Variants in MYT1L observed in about 807,000 individuals in gnomAD.
MYT1L encodes the protein myelin transcription factor 1-like protein.
Under a neutral mutation model 126.7 loss-of-function variants are expected in MYT1L, and 12 were observed. The observed-to-expected ratio is 0.09, with a 90% CI of 0.06 to 0.15. MYT1L has a LOEUF of 0.15. MYT1L is among the 10% of genes least tolerant of loss of function. The pLI is 1.00. For synonymous variants in MYT1L, 541 were observed against 604.2 expected (o/e 0.90, Z 1.53); for missense variants, 979 against 1,585.2 (o/e 0.62, Z 6.49).
chr2:2,181,902 C>T (rs1237054432), intron 2 of MYT1L, among the ~76,000 whole-genome samples: 1 of 152,182 alleles, frequency 6.6e-6, no homozygotes, highest in East Asian at 1.9e-4. Flanking sequence ...ATATTATTAG[C>T]TCTATTTTCA....
chr2:2,327,292 T>C (rs1272787286), intron 1 of MYT1L, among the ~76,000 whole-genome samples: 1 of 152,198 alleles, frequency 6.6e-6, no homozygotes, highest in Non-Finnish European at 1.5e-5. Context: ...AAGTTTGTGG[T>C]ATCTTTTGTC....
At chr2:1,815,979 G>C (rs555226007) in intron 21 of MYT1L, among the ~76,000 whole-genome samples, 1 of 152,282 alleles carries the variant, frequency 6.6e-6, no homozygotes, top group South Asian at 2.1e-4. Context: ...CCATGGCACA[G>C]TTATCTCTTT....
rs34958118 is a variant in MYT1L, at chr2:2,165,288, TCA to T, written c.-304+7582_-304+7583del. Among the ~76,000 whole-genome samples the T allele has an allele frequency of 1.5e-3, 216 of 148,430 alleles. No individual in the cohort carries two copies. In the South Asian group the frequency reaches 0.021, roughly 14 times the overall value. ...AGTACGGGTGGGGTACACAAACCAA[TCA>T]CACACACACACACACACGTGCACAC... is the stretch of plus-strand genomic sequence containing the variant. On this transcript the variant is annotated intron_variant, in intron 3 of 24. Coordinates refer to ENST00000647738, the MANE Select transcript of MYT1L (RefSeq NM_001303052.2).
At chr2:2,082,825 G>A (rs1432624284) in intron 3 of MYT1L, among the ~76,000 whole-genome samples, 1 of 152,182 alleles carries the variant, frequency 6.6e-6, no homozygotes, top group East Asian at 1.9e-4. Flanking sequence ...AGATATGCTG[G>A]TCAGCACAAA....
At chr2:1,876,741 A>T (rs78002748) in intron 18 of MYT1L, among the ~76,000 whole-genome samples, 1,603 of 152,326 alleles carry the variant, frequency 0.011, 31 homozygotes, top group African/African-American at 0.035. Flanking sequence ...TTTGAGAAGC[A>T]ACGTCTCACT....
chr2:2,121,640 C>G (rs1049946720), intron 3 of MYT1L, among the ~76,000 whole-genome samples: 4 of 151,326 alleles, frequency 2.6e-5, no homozygotes, highest in Non-Finnish European at 5.9e-5. Context: ...GTGCGCACCA[C>G]CATACCCAGC....
rs1415499536 is a variant in MYT1L at position 1,943,761 on chromosome 2, ATATT to A, written c.153-431_153-428del. Among the ~76,000 whole-genome samples, 2 of 152,222 alleles carry A rather than the reference ATATT, an allele frequency of 1.3e-5. No homozygotes were observed. The highest frequency in any genetic ancestry group is 2.9e-5 in the Non-Finnish European group (2 of 68,046). On this transcript the variant is annotated intron_variant, in intron 8 of 24. Transcript: ENST00000647738. The surrounding 1 kb of genome is among the most constrained non-coding windows in gnomAD (Gnocchi z 4.4). ...TTTTAATCACATTATATTTACATAT[ATATT>A]TATGTAAAATATAAAAATGTCTATG...
chr2:2,236,796 CTTCTTCTTCTTCTTCTTCT>C (rs2094326125), intron 2 of MYT1L, among the ~76,000 whole-genome samples: 2 of 16,422 alleles, frequency 1.2e-4, no homozygotes, highest in African/African-American at 1.1e-3. Context: ...TCTTCTTCTT[CTTCTTCTTCTTCTTCTTCT>C]TTTTTTTTTT....
chr2:2,203,013 G>C (rs1369387577), intron 2 of MYT1L, among the ~76,000 whole-genome samples: 1 of 150,576 alleles, frequency 6.6e-6, no homozygotes, highest in East Asian at 2.0e-4. Flanking sequence ...CAGAACCAAA[G>C]ACAAAAACCA....
At chr2:2,134,731 G>C (rs894294381) in intron 3 of MYT1L, among the ~76,000 whole-genome samples, 1 of 152,190 alleles carries the variant, frequency 6.6e-6, no homozygotes, top group Non-Finnish European at 1.5e-5. Flanking sequence ...CCAGAGTCCA[G>C]AAATGAACGT....
chr2:1,903,333 C>T (rs1477761131), intron 13 of MYT1L, 39 bp from the exon 14 acceptor site: 6 of 1,538,510 alleles, frequency 3.9e-6, no homozygotes, highest in African/African-American at 1.4e-5. Flanking sequence ...GCTTGCTTTC[C>T]TGTGGCTTTG....
At chr2:1,819,056 G>A (rs1231599796) in intron 21 of MYT1L, among the ~76,000 whole-genome samples, 1 of 152,030 alleles carries the variant, frequency 6.6e-6, no homozygotes, top group Non-Finnish European at 1.5e-5. Flanking sequence ...CCTGCCTCAG[G>A]AAACAAAGGT....
rs1332557657 is a variant in MYT1L at position 1,851,586 on chromosome 2, C to T, written c.2774+55G>A. ...TTGGAGCCTGACGTGAGTGATATTC[C>T]TGCCATTTCAGTGAGAAAGAGCATT... On this transcript the variant is annotated intron_variant, in intron 19 of 24. Transcript: ENST00000647738. The T allele has an allele frequency of 5.2e-6, 8 of 1,529,236 alleles. No homozygotes were observed. In the South Asian group the frequency reaches 6.8e-5, roughly 13 times the overall value. 94.7% of individuals were successfully genotyped at this position (1,529,236 alleles called of 1,614,324 possible).
intron 2 of MYT1L, among the ~76,000 whole-genome samples, chr2:2,215,583 T>A (rs188459200): frequency 3.3e-4 from 51 of 152,302 alleles, no homozygotes; most frequent in African/African-American, 1.2e-3. Context: ...ACAATTATAG[T>A]CAAGAGATTT....
At chr2:2,008,504 CG>C (rs1427737630) in intron 4 of MYT1L, among the ~76,000 whole-genome samples, 1 of 152,192 alleles carries the variant, frequency 6.6e-6, no homozygotes, top group Non-Finnish European at 1.5e-5. Context: ...TGTCTGTTTA[CG>C]GCCTTCGCTC....
At chr2:1,974,446 C>T (rs1292895586) in intron 8 of MYT1L, 1 of 152,148 alleles carries the variant, frequency 6.6e-6, no homozygotes, top group East Asian at 1.9e-4. Flanking sequence ...GTGTTTTTGT[C>T]ATTTATATGC....
At chr2:1,823,521 C>T (rs918895716) in intron 21 of MYT1L, among the ~76,000 whole-genome samples, 18 of 152,164 alleles carry the variant, frequency 1.2e-4, no homozygotes, top group South Asian at 4.1e-4. Context: ...TCCCCCAGGA[C>T]GGAAGCGAAG....
At chr2:2,199,573 T>C (rs767020470) in intron 2 of MYT1L, among the ~76,000 whole-genome samples, 2 of 152,166 alleles carry the variant, frequency 1.3e-5, no homozygotes, top group Non-Finnish European at 2.9e-5. Flanking sequence ...GTCCTCGCAT[T>C]TGATGGCTCA....
intron 2 of MYT1L, among the ~76,000 whole-genome samples, chr2:2,192,282 C>T (rs551912294): frequency 6.6e-6 from 1 of 152,330 alleles, no homozygotes; most frequent in African/African-American, 2.4e-5. Context: ...TCCACTCCTC[C>T]CTCCACACGT....
Sources: allele counts gnomAD v4.1 joint callset (sites outside exome capture counted in the v4.1 genomes callset), GRCh38; gene constraint gnomAD v4.1.1; non-coding constraint Gnocchi (gnomAD v3.1); transcripts MANE v1.5; gene names NCBI Gene and HGNC (gene_info 2026-07-23, HGNC 2026-07-21).